The following PLA2G15 variants were observed in gnomAD, a reference collection of about 807,000 sequenced individuals.
The protein encoded by PLA2G15 is lysosomal phospholipase A and acyltransferase.
In PLA2G15, 20 loss-of-function variants were observed where a neutral mutation model predicts 40.9. That is an observed-to-expected ratio of 0.49 (90% CI 0.34 to 0.71). The LOEUF (loss-of-function observed/expected upper bound fraction) is 0.71. Among genes scored for constraint, PLA2G15 ranks in the 30% least tolerant of loss-of-function variants. The pLI is 0.01. For missense variants in PLA2G15, 471 were observed against 541.9 expected (o/e 0.87, Z 1.30); for synonymous variants, 223 against 228.2 (o/e 0.98, Z 0.21).
intron 2 of PLA2G15, chr16:68,254,700 C>T: frequency 2.2e-6 from 1 of 464,052 alleles, no homozygotes; most frequent in South Asian, 2.8e-5. Context: ...GTTTCAAACT[C>T]CTGACCTCAA....
Position 68,247,000 on chromosome 16 carries a change from G to T in PLA2G15, c.127+1447G>T, listed in dbSNP as rs181274898. On this transcript the variant is annotated intron_variant, in intron 1 of 5. Coordinates refer to ENST00000219345, the MANE Select transcript of PLA2G15 (RefSeq NM_012320.4). ...ACACAAAATGGCACATAGCCATTTT[G>T]CCTGGATTGATGCTAACCGCACTCA... 7.2e-5 allele frequency among the ~76,000 whole-genome samples: 11 copies of T among 152,250 alleles called. No homozygotes were observed. The East Asian group carries it at 1.5e-3, about 21-fold the overall frequency.
chr16:68,249,179 G>A, intron 1 of PLA2G15, 111 bp from the exon 2 acceptor site: 1 of 803,292 alleles, frequency 1.2e-6, no homozygotes, highest in Non-Finnish European at 2.0e-6. Context: ...AACTGCACAG[G>A]TCTGCCATAT....
intron 5 of PLA2G15, among the ~76,000 whole-genome samples, chr16:68,257,824 T>G (rs1005873912): frequency 6.6e-6 from 1 of 152,192 alleles, no homozygotes; most frequent in African/African-American, 2.4e-5. Flanking sequence ...CCCCGGCCCC[T>G]TTCAGAGTTT....
At chr16:68,252,528 A>C (rs1390487427) in intron 2 of PLA2G15, 1 of 456,020 alleles carries the variant, frequency 2.2e-6, no homozygotes, top group Non-Finnish European at 4.4e-6. Flanking sequence ...CTCTTCCCAC[A>C]GGAGATGGTG....
Position 68,255,443 on chromosome 16 carries a change from C to A in PLA2G15, c.502+63C>A, listed in dbSNP as rs2151205002. On this transcript the variant is annotated intron_variant, in intron 4 of 5. Coordinates refer to ENST00000219345, the MANE Select transcript of PLA2G15 (RefSeq NM_012320.4). The surrounding 1 kb of genome is among the most constrained non-coding windows in gnomAD (Gnocchi z 5.9). ...GAGGTAGGGGTGAGGTGATCATGGG[C>A]ACCACAGACCTTGGGCTCTCCCCTT... is the stretch of plus-strand genomic sequence containing the variant. 9.0e-7 allele frequency: 1 copy of A among 1,117,186 alleles called. No individual in the cohort carries two copies. Among genetic ancestry groups the A allele is most frequent in the Non-Finnish European group, 1.3e-6 (1 of 767,406 alleles). The allele number at this position is 1,117,186 out of a possible 1,614,324, so 69.2% of individuals were successfully genotyped here.
intron 2 of PLA2G15, among the ~76,000 whole-genome samples, chr16:68,252,884 G>T (rs1596946324): frequency 6.6e-6 from 1 of 152,242 alleles, no homozygotes; most frequent in East Asian, 1.9e-4. Flanking sequence ...GAGGTAAGAG[G>T]ATCACTTGAG....
intron 5 of PLA2G15, among the ~76,000 whole-genome samples, chr16:68,257,817 C>T (rs534023632): frequency 9.2e-5 from 14 of 152,312 alleles, no homozygotes; most frequent in Middle Eastern, 3.4e-3. Context: ...CAGGTAGCCC[C>T]GGCCCCTTTC....
chr16:68,258,643 C>T (rs970774270), intron 5 of PLA2G15, among the ~76,000 whole-genome samples: 7 of 152,170 alleles, frequency 4.6e-5, no homozygotes, highest in Admixed American at 2.0e-4. Context: ...TTAGCCCAGG[C>T]GTGGTGGGAC....
chr16:68,253,980 C>T (rs2042378340), intron 2 of PLA2G15, among the ~76,000 whole-genome samples: 1 of 152,168 alleles, frequency 6.6e-6, no homozygotes. Flanking sequence ...TCAGCCACTG[C>T]ACCCGGCCCC....
rs770552396 is a variant in PLA2G15, at chr16:68,255,376, C to A, written c.498C>A (p.Ala166=). 2 of 1,607,214 alleles carry A rather than the reference C, an allele frequency of 1.2e-6. No homozygotes were observed. Among genetic ancestry groups the A allele is most frequent in the Non-Finnish European group, 1.7e-6 (2 of 1,176,036 alleles). ...VRGAPYDWRR[A]PNENGPYFLA... ...GGGCTCCCTATGACTGGCGCCGAGC[C>A]CCAAGTAAGCAGGCACTCTCATTCC... The change falls in exon 4 of 6, where the codon GCC becomes GCA. Residue 166 remains alanine, a synonymous_variant. Coordinates refer to ENST00000219345, the MANE Select transcript of PLA2G15 (RefSeq NM_012320.4). The surrounding 1 kb of genome is among the most constrained non-coding windows in gnomAD (Gnocchi z 5.9).
At chr16:68,253,165 T>C (rs1429971462) in intron 2 of PLA2G15, among the ~76,000 whole-genome samples, 2 of 152,190 alleles carry the variant, frequency 1.3e-5, no homozygotes, top group East Asian at 1.9e-4. Context: ...CCTTCCTCCA[T>C]GGAGGATGTG....
rs2151207845 is a variant in PLA2G15, at chr16:68,260,312, C to G, written c.*655C>G. On this transcript the variant is annotated 3_prime_UTR_variant, in exon 6 of 6. Coordinates refer to ENST00000219345, the MANE Select transcript of PLA2G15 (RefSeq NM_012320.4). ...CACTCCACTCCTACCTCCCTTACCA[C>G]CAGGAGCATTCAAGCTCTGGATTGG... 6.5e-6 allele frequency: 1 copy of G among 153,408 alleles called. No individual in the cohort carries two copies. The highest frequency in any genetic ancestry group is 2.1e-4 in the South Asian group (1 of 4,834). The allele number at this position is 153,408 out of a possible 1,614,324, so 9.5% of individuals were successfully genotyped here.
At chr16:68,253,270 C>G (rs774241020) in intron 2 of PLA2G15, among the ~76,000 whole-genome samples, 1 of 152,214 alleles carries the variant, frequency 6.6e-6, no homozygotes, top group Admixed American at 6.5e-5. Context: ...TCCTGTCTCT[C>G]CCCACCAGCT....
At chr16:68,257,089 C>T (rs1181542163) in intron 5 of PLA2G15, among the ~76,000 whole-genome samples, 1 of 151,664 alleles carries the variant, frequency 6.6e-6, no homozygotes, top group Non-Finnish European at 1.5e-5. Context: ...CTATGTTGGC[C>T]GGGCTAGTCT....
Position 68,260,888 on chromosome 16 carries a change from A to T in PLA2G15, c.*1231A>T, listed in dbSNP as rs1211386185. ...CAGCCTCTAGGTGGGGTTCCCAAAG[A>T]CGCCTTCACGCTGGACTGAGCTGCT... is the stretch of plus-strand genomic sequence containing the variant. On this transcript the variant is annotated 3_prime_UTR_variant, in exon 6 of 6. Transcript: ENST00000219345. The T allele has an allele frequency of 6.6e-6, 1 of 152,298 alleles. No homozygotes were observed. The highest frequency in any genetic ancestry group is 2.4e-5 in the African/African-American group (1 of 41,452). The allele number at this position is 152,298 out of a possible 1,614,324, so 9.4% of individuals were successfully genotyped here.
Position 68,260,974 on chromosome 16 carries a change from TC to T in PLA2G15, c.*1321del, listed in dbSNP as rs1425976461. 8.5e-5 allele frequency: 13 copies of T among 152,368 alleles called. No individual in the cohort carries two copies. The allele number at this position is 152,368 out of a possible 1,614,324, so 9.4% of individuals were successfully genotyped here. A position where few individuals can be genotyped will look rare whatever the true frequency, so the allele number is the denominator to read the frequency against. On this transcript the variant is annotated 3_prime_UTR_variant, in exon 6 of 6. Coordinates refer to ENST00000219345, the MANE Select transcript of PLA2G15 (RefSeq NM_012320.4). ...GTTGCATACATGCCTGGCATCTGTC[TC>T]CCCTTGTTCCTGAGTGGCCCCACAT...
At chr16:68,252,553 T>A (rs940468178) in intron 2 of PLA2G15, 3 of 455,980 alleles carry the variant, frequency 6.6e-6, no homozygotes, top group African/African-American at 6.0e-5. Flanking sequence ...AGCTGTGTAC[T>A]GAGCCCTGAG....
intron 2 of PLA2G15, among the ~76,000 whole-genome samples, chr16:68,251,539 G>A (rs375466842): frequency 2.0e-5 from 3 of 152,110 alleles, no homozygotes; most frequent in Admixed American, 2.0e-4. Context: ...AATTAAGGCC[G>A]GGCATGGTGG....
intron 1 of PLA2G15, chr16:68,248,226 C>G (rs1472701869): frequency 6.6e-6 from 1 of 152,292 alleles, no homozygotes; most frequent in Non-Finnish European, 1.5e-5. Flanking sequence ...TCCCTCCCAC[C>G]AGCCTGTCCT....
Sources: allele counts gnomAD v4.1 joint callset (sites outside exome capture counted in the v4.1 genomes callset), GRCh38; gene constraint gnomAD v4.1.1; non-coding constraint Gnocchi (gnomAD v3.1); transcripts MANE v1.5; gene names NCBI Gene and HGNC (gene_info 2026-07-23, HGNC 2026-07-21).